Variants in EMC3 observed in about 807,000 individuals in gnomAD.
EMC3 encodes 30 kDa protein.
A neutral mutation model predicts 36.6 loss-of-function variants in EMC3; 13 were observed. That is an observed-to-expected ratio of 0.35 (90% CI 0.23 to 0.56). EMC3 has a LOEUF of 0.56. EMC3 is among the 20% of genes least tolerant of loss of function. The pLI, the probability that EMC3 is intolerant of heterozygous loss-of-function variation, is 0.84. For synonymous variants in EMC3, 120 were observed against 111.9 expected, an observed-to-expected ratio of 1.07 and a Z score of -0.46; for missense variants, 220 against 324.5, an observed-to-expected ratio of 0.68 and a Z score of 2.47.
In EMC3 at chr3:9,964,050, G is replaced by C. The variant is rs751828181; in HGVS notation, c.*19C>G. 1 of 1,613,530 alleles carries C rather than the reference G, an allele frequency of 6.2e-7. No individual in the cohort carries two copies. Among genetic ancestry groups the C allele is most frequent in the Non-Finnish European group, 8.5e-7 (1 of 1,179,692 alleles). On this transcript the variant is annotated 3_prime_UTR_variant, in exon 8 of 8. Transcript: ENST00000245046. ...AGTGCAACTCCAAGTTCCTGACACA[G>C]CTAATCCCTGCTCGGTCTTCAAAAA...
At chr3:10,007,668 A>G (rs2272119) in intron 1 of EMC3, 361,628 of 1,340,224 alleles carry the variant, frequency 0.27, 57,976 homozygotes, top group African/African-American at 0.75. Flanking sequence ...TTCATAAGGT[A>G]GGTTCCAGCT....
chr3:9,989,208 G>A (rs951234149), upstream of EMC3, among the ~76,000 whole-genome samples: 8 of 152,188 alleles, frequency 5.3e-5, no homozygotes, highest in African/African-American at 1.9e-4. Flanking sequence ...CAAAGCAGTG[G>A]TACTGGATCT....
At chr3:9,990,452 A>G (rs1288732154), upstream of EMC3, among the ~76,000 whole-genome samples, 1 of 148,308 alleles carries the variant, frequency 6.7e-6, no homozygotes, top group Non-Finnish European at 1.5e-5. Context: ...CCCCCACCTC[A>G]GTCTTTGGAG....
intron 1 of EMC3, 96 bp from the exon 2 acceptor site, chr3:9,977,542 G>A: frequency 1.9e-6 from 2 of 1,040,106 alleles, no homozygotes; most frequent in Non-Finnish European, 2.8e-6. Flanking sequence ...CACAAGAGAG[G>A]GCCTATTTGG....
At chr3:10,007,133 C>T (rs2086271753) in intron 1 of EMC3, 19 of 353,890 alleles carry the variant, frequency 5.4e-5, no homozygotes, top group South Asian at 4.9e-4. Flanking sequence ...GTCAGTTACT[C>T]AGAAAAACTG....
At chr3:9,976,102 GTTATTT>G (rs774008015) in intron 3 of EMC3, among the ~76,000 whole-genome samples, 1 of 152,072 alleles carries the variant, frequency 6.6e-6, no homozygotes, top group East Asian at 1.9e-4. Context: ...TTTACTTTTA[GTTATTT>G]TTATTTTTAT....
upstream of EMC3, chr3:9,987,966 G>A (rs767259505): frequency 2.0e-6 from 2 of 1,003,748 alleles, no homozygotes; most frequent in Non-Finnish European, 3.1e-6. Flanking sequence ...CATCACTGTT[G>A]CAGGCTTTCC....
intron 2 of EMC3, 70 bp downstream of exon 2, chr3:9,977,319 T>C (rs1459871163): frequency 1.4e-6 from 2 of 1,434,360 alleles, no homozygotes; most frequent in Admixed American, 4.2e-5. Context: ...AGAGCCCCCT[T>C]ATAAAACATT....
At chr3:9,971,232 A>C (rs1192114790) in intron 5 of EMC3, among the ~76,000 whole-genome samples, 3 of 152,138 alleles carry the variant, frequency 2.0e-5, no homozygotes, top group Admixed American at 6.5e-5. Flanking sequence ...CCATACTTAC[A>C]AGAAGGGATG....
intron 1 of EMC3, among the ~76,000 whole-genome samples, chr3:9,999,450 A>G (rs2086170930): frequency 6.6e-6 from 1 of 152,164 alleles, no homozygotes; most frequent in Non-Finnish European, 1.5e-5. Flanking sequence ...CATGTTGGCC[A>G]GGATGGTCTT....
At chr3:9,980,368 AT>A (rs112044792) in intron 1 of EMC3, among the ~76,000 whole-genome samples, 612 of 140,784 alleles carry the variant, frequency 4.3e-3, no homozygotes, top group Middle Eastern at 3.6e-3. Flanking sequence ...CTAATGAAGG[AT>A]TTTTTTTTTT....
Position 9,962,958 on chromosome 3 carries a change from G to C in EMC3, c.*1111C>G, listed in dbSNP as rs2085701923. 2 of 152,046 alleles carry C rather than the reference G, an allele frequency of 1.3e-5. No homozygotes were observed. Among genetic ancestry groups the C allele is most frequent in the Non-Finnish European group, 2.9e-5 (2 of 68,022 alleles). The allele number at this position is 152,046 out of a possible 1,614,324, so 9.4% of individuals were successfully genotyped here. A position where few individuals can be genotyped will look rare whatever the true frequency, so the allele number is the denominator to read the frequency against. ...CAAAGGAGTAGCCATTTCCAGTATA[G>C]CACCACTGATTTGTCAATGGATTTG... On this transcript the variant is annotated 3_prime_UTR_variant, in exon 8 of 8. Coordinates refer to ENST00000245046, the MANE Select transcript of EMC3 (RefSeq NM_001394674.1).
intron 1 of EMC3, among the ~76,000 whole-genome samples, chr3:9,985,143 T>A (rs564248489): frequency 6.6e-6 from 1 of 152,366 alleles, no homozygotes; most frequent in South Asian, 2.1e-4. Context: ...ACATATTTAA[T>A]ACTTTTTATA....
intron 1 of EMC3, among the ~76,000 whole-genome samples, chr3:9,985,098 C>G (rs1480828132): frequency 1.3e-5 from 2 of 152,170 alleles, no homozygotes; most frequent in Non-Finnish European, 2.9e-5. Flanking sequence ...CACTCTCATG[C>G]CATGTTAGAA....
chr3:9,990,296 A>G (rs1242129782), upstream of EMC3, among the ~76,000 whole-genome samples: 1 of 145,292 alleles, frequency 6.9e-6, no homozygotes, highest in East Asian at 2.0e-4. Context: ...CTGGGATTAC[A>G]GGTGTGAGCC....
At chr3:9,977,308 C>A (rs2085860406) in intron 2 of EMC3, 81 bp downstream of exon 2, 1 of 1,358,054 alleles carries the variant, frequency 7.4e-7, no homozygotes, top group Non-Finnish European at 1.0e-6. Flanking sequence ...TAGCTTTCCC[C>A]AGAGCCCCCT....
chr3:9,982,328 C>T (rs1040275338), intron 1 of EMC3, among the ~76,000 whole-genome samples: 1 of 151,950 alleles, frequency 6.6e-6, no homozygotes, highest in Non-Finnish European at 1.5e-5. Flanking sequence ...GATCTCGGCT[C>T]ACTGCAACAT....
chr3:9,998,291 G>GGGAGGCA (rs752016379), intron 1 of EMC3, among the ~76,000 whole-genome samples: 177 of 150,926 alleles, frequency 1.2e-3, no homozygotes, highest in Non-Finnish European at 1.9e-3. Flanking sequence ...GTATGAACCC[G>GGGAGGCA]GGAGGCAGAG....
upstream of EMC3, among the ~76,000 whole-genome samples, chr3:9,991,755 T>C (rs1176011852): frequency 6.6e-6 from 1 of 152,218 alleles, no homozygotes; most frequent in Non-Finnish European, 1.5e-5. Context: ...AAATAGAGTA[T>C]GGCTCAGCAG....
Sources: allele counts gnomAD v4.1 joint callset (sites outside exome capture counted in the v4.1 genomes callset), GRCh38; gene constraint gnomAD v4.1.1; transcripts MANE v1.5; gene names NCBI Gene and HGNC (gene_info 2026-07-23, HGNC 2026-07-21).